The following NPIPB2 variants were observed in gnomAD, a reference collection of about 807,000 sequenced individuals.
NPIPB2 encodes nuclear pore complex interacting protein family member B2.
A neutral mutation model predicts 30.8 loss-of-function variants in NPIPB2; 27 were observed. That is an observed-to-expected ratio of 0.88 (90% CI 0.65 to 1.21). The LOEUF is 1.21. Ranked by LOEUF, NPIPB2 falls within the 50% of genes most tolerant of loss-of-function variation. The pLI is 0.00. For missense variants in NPIPB2, 440 were observed against 446.2 expected (o/e 0.99, Z 0.13); for synonymous variants, 147 against 162.0 (o/e 0.91, Z 0.70).
At chr16:11,935,324 C>G (rs1397635312) in intron 2 of NPIPB2, among the ~76,000 whole-genome samples, 1 of 152,106 alleles carries the variant, frequency 6.6e-6, no homozygotes, top group African/African-American at 2.4e-5. Flanking sequence ...ATTGAAATGA[C>G]TTTTTTCTTG....
intron 1 of NPIPB2, among the ~76,000 whole-genome samples, chr16:11,949,809 T>C (rs2055046629): frequency 6.6e-6 from 1 of 152,134 alleles, no homozygotes; most frequent in African/African-American, 2.4e-5. Flanking sequence ...CGACATTGGG[T>C]GTCACCTTTG....
intron 1 of NPIPB2, among the ~76,000 whole-genome samples, chr16:11,963,019 C>T (rs2055165586): frequency 6.6e-6 from 1 of 152,030 alleles, no homozygotes; most frequent in South Asian, 2.1e-4. Flanking sequence ...GATCGCACTA[C>T]TGTACCCCAG....
intron 1 of NPIPB2, among the ~76,000 whole-genome samples, chr16:11,948,024 C>T (rs1365250870): frequency 2.7e-5 from 4 of 149,216 alleles, no homozygotes; most frequent in Non-Finnish European, 4.4e-5. Flanking sequence ...GACCCCTCCC[C>T]CTGCATTCTC....
At chr16:11,933,791 T>C (rs761438962) in intron 3 of NPIPB2, 34 bp downstream of exon 3, 9 of 1,593,206 alleles carry the variant, frequency 5.6e-6, no homozygotes, top group South Asian at 1.1e-5. Flanking sequence ...GGCAAACTCA[T>C]TTCCACACTA....
At chr16:11,945,112 G>C (rs902300724), upstream of NPIPB2, among the ~76,000 whole-genome samples, 4 of 152,070 alleles carry the variant, frequency 2.6e-5, no homozygotes, top group Non-Finnish European at 4.4e-5. Context: ...GCTTGAACCC[G>C]GGAGGCAGAG....
chr16:11,930,592 C>T, intron 4 of NPIPB2, 41 bp from the exon 5 acceptor site: 1 of 1,495,534 alleles, frequency 6.7e-7, no homozygotes, highest in Non-Finnish European at 9.0e-7. Flanking sequence ...CATGATCCAC[C>T]AGCCCGTGTG....
chr16:11,954,774 G>A (rs1457909329), intron 1 of NPIPB2, among the ~76,000 whole-genome samples: 1 of 151,770 alleles, frequency 6.6e-6, no homozygotes, highest in Non-Finnish European at 1.5e-5. Context: ...CAGGTGTGGT[G>A]GCAGGAGCCT....
At chr16:11,942,211 T>C, upstream of NPIPB2, 1 of 711,854 alleles carries the variant, frequency 1.4e-6, no homozygotes, top group Non-Finnish European at 2.3e-6. Flanking sequence ...CAAATCTCAA[T>C]ATATTTGAGA....
chr16:11,946,385 C>G (rs1170091731), upstream of NPIPB2, among the ~76,000 whole-genome samples: 2 of 70,106 alleles, frequency 2.9e-5, no homozygotes, highest in Non-Finnish European at 2.6e-5. Flanking sequence ...AACTCTATCT[C>G]AAAAAAAAAA....
At chr16:11,935,756 C>T (rs1293018368) in intron 2 of NPIPB2, among the ~76,000 whole-genome samples, 3 of 137,612 alleles carry the variant, frequency 2.2e-5, no homozygotes, top group Non-Finnish European at 4.6e-5. Context: ...GTCAATCCCA[C>T]AGCTACTGCT....
At chr16:11,942,058 G>GAAA (rs1567469815), upstream of NPIPB2, 1 of 1,366,562 alleles carries the variant, frequency 7.3e-7, no homozygotes, top group African/African-American at 1.4e-5. Context: ...GCAGGATGCG[G>GAAA]AAGGTCCCGA....
chr16:11,944,460 C>A (rs1359127617), upstream of NPIPB2, among the ~76,000 whole-genome samples: 1 of 151,768 alleles, frequency 6.6e-6, no homozygotes, highest in African/African-American at 2.4e-5. Context: ...AGCCACCACA[C>A]CTGGCCTTAA....
chr16:11,963,727 C>T (rs2055171409), intron 1 of NPIPB2, among the ~76,000 whole-genome samples: 1 of 151,958 alleles, frequency 6.6e-6, no homozygotes, highest in Admixed American at 6.6e-5. Context: ...ATGGGTATTT[C>T]ACTCAGTATG....
At chr16:11,932,594 G>T (rs912745768) in intron 4 of NPIPB2, among the ~76,000 whole-genome samples, 13 of 148,580 alleles carry the variant, frequency 8.7e-5, no homozygotes, top group African/African-American at 3.2e-4. Context: ...TGGCCAATAT[G>T]GTGAAACCCC....
intron 2 of NPIPB2, among the ~76,000 whole-genome samples, chr16:11,935,439 A>G (rs1047399128): frequency 3.1e-4 from 47 of 152,014 alleles, no homozygotes; most frequent in South Asian, 6.3e-4. Flanking sequence ...TCAGCCTCCC[A>G]AGTAGCTGGG....
chr16:11,975,648 TG>T (rs1321316330), intron 1 of NPIPB2, among the ~76,000 whole-genome samples: 2 of 151,908 alleles, frequency 1.3e-5, no homozygotes, highest in Admixed American at 1.3e-4. Flanking sequence ...TGGAGTGCAG[TG>T]GTGGGATCTC....
rs759036297 is a variant in NPIPB2, at chr16:11,968,103, C to G, written c.-584+8465G>C. ...TTTTATTAACGTGAGTTTTTAAAAA[C>G]AAGCATGTATACCAGTGTGGGGGGT... is the stretch of plus-strand genomic sequence containing the variant. On this transcript the variant is annotated intron_variant, in intron 1 of 5. Coordinates refer to the NPIPB2 transcript ENST00000538896. 88 of 423,462 alleles carry G rather than the reference C, an allele frequency of 2.1e-4. 2 individuals are homozygous for G. Among genetic ancestry groups the G allele is most frequent in the Non-Finnish European group, 5.9e-5 (14 of 236,284 alleles). 26.2% of individuals were successfully genotyped at this position (423,462 alleles called of 1,614,324 possible).
At chr16:11,967,855 T>G (rs547583575) in intron 1 of NPIPB2, 1 of 1,611,508 alleles carries the variant, frequency 6.2e-7, no homozygotes, top group African/African-American at 1.3e-5. Flanking sequence ...TAATTAACCA[T>G]TTCGACTCGA....
At chr16:11,947,649 T>C (rs760205036) in intron 1 of NPIPB2, among the ~76,000 whole-genome samples, 4 of 151,748 alleles carry the variant, frequency 2.6e-5, no homozygotes, top group Non-Finnish European at 5.9e-5. Flanking sequence ...TGGCCACATA[T>C]ACATATTTTA....
Sources: allele counts gnomAD v4.1 joint callset (sites outside exome capture counted in the v4.1 genomes callset), GRCh38; gene constraint gnomAD v4.1.1; transcripts MANE v1.5; gene names NCBI Gene and HGNC (gene_info 2026-07-23, HGNC 2026-07-21).